The following KCTD5 variants were observed in gnomAD, a reference collection of about 807,000 sequenced individuals.
The protein encoded by KCTD5 is potassium channel tetramerization domain containing 5, also known as BTB/POZ domain-containing protein KCTD5.
In KCTD5, 12 loss-of-function variants were observed where a neutral mutation model predicts 27.9. The observed-to-expected ratio is 0.43, with a 90% CI of 0.28 to 0.70. KCTD5 has a LOEUF of 0.70. KCTD5 is among the 30% of genes least tolerant of loss of function. The pLI is 0.19. For missense variants in KCTD5, 226 were observed against 274.8 expected (o/e 0.82, Z 1.26); for synonymous variants, 147 against 121.4 (o/e 1.21, Z -1.39).
Position 2,682,536 on chromosome 16 carries a change from G to T in KCTD5, c.-13G>T. ...TCCGGTGGAAGGGAGCTGTTGCGGGGCTTGCTGGGATCATGGCGGAGAATC... is the reference window on the plus strand; with the variant it reads ...TCCGGTGGAAGGGAGCTGTTGCGGGTCTTGCTGGGATCATGGCGGAGAATC... On this transcript the variant is annotated 5_prime_UTR_variant, in exon 1 of 6. Coordinates refer to ENST00000301738, the MANE Select transcript of KCTD5 (RefSeq NM_018992.4). The T allele has an allele frequency of 1.4e-6, 2 of 1,397,124 alleles. No homozygotes were observed. The highest frequency in any genetic ancestry group is 1.9e-6 in the Non-Finnish European group (2 of 1,077,782). 86.5% of individuals were successfully genotyped at this position (1,397,124 alleles called of 1,614,324 possible). A position where few individuals can be genotyped will look rare whatever the true frequency, so the allele number is the denominator to read the frequency against.
chr16:2,698,209 G>A (rs572637378), intron 3 of KCTD5, among the ~76,000 whole-genome samples: 7 of 152,334 alleles, frequency 4.6e-5, no homozygotes, highest in South Asian at 4.1e-4. Flanking sequence ...CATCCTGCCC[G>A]GCCCAGACTC....
intron 1 of KCTD5, among the ~76,000 whole-genome samples, chr16:2,687,666 C>T (rs750924444): frequency 1.3e-4 from 20 of 152,340 alleles, no homozygotes; most frequent in Non-Finnish European, 2.6e-4. Context: ...GGTCTCGCCC[C>T]GGCCCTGTCG....
intron 1 of KCTD5, among the ~76,000 whole-genome samples, chr16:2,692,276 C>T (rs148549416): frequency 3.9e-5 from 6 of 152,234 alleles, no homozygotes; most frequent in East Asian, 3.9e-4. Flanking sequence ...TCCTGTTCTG[C>T]GTCCAGGAAG....
At chr16:2,688,707 C>G (rs1303243293) in intron 1 of KCTD5, among the ~76,000 whole-genome samples, 1 of 104,526 alleles carries the variant, frequency 9.6e-6, no homozygotes, top group Admixed American at 1.0e-4. Flanking sequence ...CCCTGCCAGT[C>G]CCCCTGCTGC....
chr16:2,704,913 A>G (rs985217026), intron 5 of KCTD5, among the ~76,000 whole-genome samples: 1 of 152,194 alleles, frequency 6.6e-6, no homozygotes, highest in African/African-American at 2.4e-5. Flanking sequence ...GCCCCTCAGC[A>G]CATGGTGGGA....
intron 1 of KCTD5, among the ~76,000 whole-genome samples, chr16:2,690,024 G>C (rs1442050127): frequency 1.3e-5 from 2 of 152,348 alleles, no homozygotes; most frequent in East Asian, 3.9e-4. Context: ...ACCTGTCCCT[G>C]AGAGGCTGGG....
Position 2,708,880 on chromosome 16 carries a change from T to A in KCTD5, c.*1553T>A, listed in dbSNP as rs1000999081. Reference sequence around the variant, plus strand: ...ATAGTAGATAGGCTTGTGGTTTTTTTAATTTAAAGATATTAAGACTTAATT... The same window carrying A: ...ATAGTAGATAGGCTTGTGGTTTTTTAAATTTAAAGATATTAAGACTTAATT... On this transcript the variant is annotated 3_prime_UTR_variant, in exon 6 of 6. Coordinates refer to ENST00000301738, the MANE Select transcript of KCTD5 (RefSeq NM_018992.4). 1 of 152,218 alleles carries A rather than the reference T, an allele frequency of 6.6e-6. No homozygotes were observed. Among genetic ancestry groups the A allele is most frequent in the East Asian group, 1.9e-4 (1 of 5,198 alleles). The allele number at this position is 152,218 out of a possible 1,614,324, so 9.4% of individuals were successfully genotyped here.
chr16:2,704,799 A>G (rs2067627854), intron 5 of KCTD5, among the ~76,000 whole-genome samples: 1 of 152,196 alleles, frequency 6.6e-6, no homozygotes, highest in Non-Finnish European at 1.5e-5. Flanking sequence ...AGTGGGGTCC[A>G]CAGAGCCCAC....
intron 1 of KCTD5, among the ~76,000 whole-genome samples, chr16:2,687,614 G>T (rs2067545626): frequency 6.6e-6 from 1 of 152,242 alleles, no homozygotes; most frequent in East Asian, 1.9e-4. Context: ...GAGGTCTAAA[G>T]CCTCGCCAGG....
intron 5 of KCTD5, among the ~76,000 whole-genome samples, chr16:2,704,292 C>G (rs1679647549): frequency 6.6e-6 from 1 of 152,224 alleles, no homozygotes; most frequent in Non-Finnish European, 1.5e-5. Flanking sequence ...GATGGGGGCA[C>G]CCCTGGCTGG....
intron 3 of KCTD5, chr16:2,699,024 A>G (rs1468147847): frequency 2.4e-6 from 1 of 419,484 alleles, no homozygotes; most frequent in East Asian, 7.1e-5. Flanking sequence ...CTTGCAGAAT[A>G]AAGCAACTCG....
At chr16:2,688,443 G>C (rs1456771940) in intron 1 of KCTD5, among the ~76,000 whole-genome samples, 2 of 151,884 alleles carry the variant, frequency 1.3e-5, no homozygotes, top group African/African-American at 4.8e-5. Context: ...TAGAGAAGGG[G>C]TTTTGCCATG....
chr16:2,707,279 T>C lies in KCTD5; in HGVS notation c.676-19T>C. 6.2e-7 allele frequency: 1 copy of C among 1,612,380 alleles called. No homozygotes were observed. The highest frequency in any genetic ancestry group is 8.5e-7 in the Non-Finnish European group (1 of 1,178,488). On this transcript the variant is annotated intron_variant, in intron 5 of 5. Coordinates refer to ENST00000301738, the MANE Select transcript of KCTD5 (RefSeq NM_018992.4). ...CTCCTCAGCCCAAGTCCTCATTTTATGCATTTGGTGTTTTTCAGATTTTGC... is the reference window on the plus strand; with the variant it reads ...CTCCTCAGCCCAAGTCCTCATTTTACGCATTTGGTGTTTTTCAGATTTTGC...
intron 1 of KCTD5, among the ~76,000 whole-genome samples, chr16:2,691,608 G>A (rs1164934935): frequency 6.6e-6 from 1 of 152,186 alleles, no homozygotes; most frequent in Non-Finnish European, 1.5e-5. Context: ...TGAACCACGT[G>A]GGAGGAGTGT....
intron 1 of KCTD5, among the ~76,000 whole-genome samples, chr16:2,688,128 C>T (rs1000668426): frequency 2.0e-5 from 3 of 151,684 alleles, no homozygotes; most frequent in East Asian, 3.9e-4. Context: ...GCCCCCGCCC[C>T]GTACCTGGTG....
intron 1 of KCTD5, chr16:2,684,588 ACT>A (rs546383188): frequency 0.017 from 2,444 of 144,968 alleles, 31 homozygotes; most frequent in Non-Finnish European, 0.022. Flanking sequence ...ACATGATGAA[ACT>A]CTGTCTCTAC....
intron 1 of KCTD5, chr16:2,684,018 C>G (rs576835887): frequency 1.3e-5 from 2 of 150,642 alleles, no homozygotes; most frequent in Admixed American, 1.3e-4. Flanking sequence ...TGACCAAGCC[C>G]TCTACTCAGA....
intron 3 of KCTD5, chr16:2,699,228 C>T (rs1174123196): frequency 2.2e-6 from 1 of 455,938 alleles, no homozygotes; most frequent in Non-Finnish European, 4.4e-6. Context: ...TGGGGAGCAG[C>T]TCCATGCAGG....
At chr16:2,683,835 C>G (rs78651644) in intron 1 of KCTD5, 2 of 142,606 alleles carry the variant, frequency 1.4e-5, no homozygotes, top group Non-Finnish European at 3.1e-5. Flanking sequence ...AGGTTCGGAT[C>G]CCTCTTCAAG....
Sources: gnomAD v4.1 joint callset for allele counts (sites outside exome capture counted in the v4.1 genomes callset) on GRCh38, gnomAD v4.1.1 for gene constraint, MANE v1.5 for transcripts, NCBI Gene and HGNC (gene_info 2026-07-23, HGNC 2026-07-21) for gene names.